ATP6V1H: variants seen among roughly 807,000 people sequenced by gnomAD.
The protein encoded by ATP6V1H is V-type proton ATPase subunit H.
Under a neutral mutation model 71.7 loss-of-function variants are expected in ATP6V1H, and 39 were observed. The observed-to-expected ratio is 0.54, with a 90% confidence interval of 0.42 to 0.71. The LOEUF (loss-of-function observed/expected upper bound fraction) is 0.71. ATP6V1H is among the 30% of genes least tolerant of loss of function. The pLI, the probability that ATP6V1H is intolerant of heterozygous loss-of-function variation, is 0.00. For synonymous variants in ATP6V1H, 192 were observed against 199.3 expected, an observed-to-expected ratio of 0.96 and a Z score of 0.31; for missense variants, 509 against 594.9, an observed-to-expected ratio of 0.86 and a Z score of 1.50.
chr8:53,771,634 T>C (rs1808660023), intron 10 of ATP6V1H, among the ~76,000 whole-genome samples: 1 of 152,132 alleles, frequency 6.6e-6, no homozygotes, highest in Non-Finnish European at 1.5e-5. Flanking sequence ...AACAAATACT[T>C]TCTCCATATA....
intron 8 of ATP6V1H, among the ~76,000 whole-genome samples, chr8:53,797,508 A>G (rs960816074): frequency 6.6e-6 from 1 of 152,184 alleles, no homozygotes; most frequent in African/African-American, 2.4e-5. Context: ...AGAGACACCA[A>G]TATCAGCTGG....
rs151212229 is a variant in ATP6V1H at position 53,829,507 on chromosome 8, C to T, written c.243G>A (p.Met81Ile). 2 of 1,590,258 alleles carry T rather than the reference C, an allele frequency of 1.3e-6. No homozygotes were observed. Among genetic ancestry groups the T allele is most frequent in the Admixed American group, 1.8e-5 (1 of 55,632 alleles). The change falls in exon 4 of 14, where the codon ATG becomes ATA. Residue 81 changes from methionine to isoleucine, a missense_variant. By Grantham distance (10) the Met-to-Ile change is conservative (BLOSUM62 1). This residue lies in a region of ATP6V1H where 297 missense variants were observed against 303.3 expected (regional missense o/e 0.98). Coordinates refer to ENST00000359530, the MANE Select transcript of ATP6V1H (RefSeq NM_015941.4). ...CGGTCTGTTCTTTGCAGATATGAGT[C>T]ATCAGATTTATAAATGTTTTAGCAC... ...SQCAKTFINLMTHICKEQTVQ... is the reference protein window; with the variant it reads ...SQCAKTFINLITHICKEQTVQ...
intron 8 of ATP6V1H, among the ~76,000 whole-genome samples, chr8:53,801,172 C>T (rs567710182): frequency 6.6e-6 from 1 of 152,294 alleles, no homozygotes; most frequent in African/African-American, 2.4e-5. Context: ...TGCTTTAAAT[C>T]CTCACCCACC....
chr8:53,838,532 A>G (rs1811240370), intron 2 of ATP6V1H, among the ~76,000 whole-genome samples: 1 of 152,056 alleles, frequency 6.6e-6, no homozygotes, highest in African/African-American at 2.4e-5. Context: ...TACACTTTAT[A>G]TATTTATATA....
In ATP6V1H at chr8:53,747,689, G is replaced by A. The variant is rs946650279; in HGVS notation, c.1278-3999C>T. On this transcript the variant is annotated intron_variant, in intron 12 of 13. Coordinates refer to ENST00000359530, the MANE Select transcript of ATP6V1H (RefSeq NM_015941.4). ...CGAGTAGCTGGGATTACAGGTGCAT[G>A]CCACCATGCCCGGCTAATTTTTTGT... Among the ~76,000 whole-genome samples the A allele has an allele frequency of 3.3e-5, 5 of 151,890 alleles. No homozygotes were observed. The South Asian group carries it at 1.0e-3, about 32-fold the overall frequency.
At chr8:53,773,530 A>C (rs1808750975) in intron 9 of ATP6V1H, among the ~76,000 whole-genome samples, 1 of 152,208 alleles carries the variant, frequency 6.6e-6, no homozygotes, top group Non-Finnish European at 1.5e-5. Context: ...CTGTCACTGC[A>C]ATTTTTATCC....
chr8:53,719,894 T>G (rs1261036078), intron 13 of ATP6V1H, among the ~76,000 whole-genome samples: 1 of 152,156 alleles, frequency 6.6e-6, no homozygotes, highest in Non-Finnish European at 1.5e-5. Context: ...GACACTTCCT[T>G]TTTCATAAAT....
chr8:53,808,005 A>T (rs528559724), intron 7 of ATP6V1H, among the ~76,000 whole-genome samples: 168 of 152,328 alleles, frequency 1.1e-3, no homozygotes, highest in African/African-American at 3.7e-3. Flanking sequence ...TCAAGAGGCA[A>T]GATGAAACAA....
At chr8:53,732,287 C>T (rs184049543) in intron 13 of ATP6V1H, among the ~76,000 whole-genome samples, 2 of 151,974 alleles carry the variant, frequency 1.3e-5, no homozygotes, top group Admixed American at 1.3e-4. Flanking sequence ...GAAAGTAAGC[C>T]CACCCTGCTA....
intron 8 of ATP6V1H, among the ~76,000 whole-genome samples, chr8:53,800,255 T>C (rs1465286779): frequency 6.6e-6 from 1 of 152,216 alleles, no homozygotes; most frequent in Non-Finnish European, 1.5e-5. Flanking sequence ...CAGCTGTGCG[T>C]CCTCACTGTA....
chr8:53,792,525 CCT>C (rs1200468185), intron 9 of ATP6V1H, among the ~76,000 whole-genome samples: 1 of 152,156 alleles, frequency 6.6e-6, no homozygotes, highest in Non-Finnish European at 1.5e-5. Context: ...GAAATCTTCC[CCT>C]GATATTAGCT....
At chr8:53,808,641 G>A (rs1008925831) in intron 7 of ATP6V1H, among the ~76,000 whole-genome samples, 75 of 152,066 alleles carry the variant, frequency 4.9e-4, no homozygotes, top group African/African-American at 1.5e-3. Context: ...ATGGTGGCTC[G>A]TGCTTGTAGT....
chr8:53,750,051 T>G (rs1807739450), intron 12 of ATP6V1H, among the ~76,000 whole-genome samples: 1 of 152,238 alleles, frequency 6.6e-6, no homozygotes, highest in South Asian at 2.1e-4. Flanking sequence ...TTGTGTTTGA[T>G]TCTCAGAATC....
rs575773157 is a variant in ATP6V1H at position 53,778,613 on chromosome 8, TTAAAGGA to T, written c.871-6453_871-6447del. On this transcript the variant is annotated intron_variant, in intron 9 of 13. Coordinates refer to ENST00000359530, the MANE Select transcript of ATP6V1H (RefSeq NM_015941.4). ...ATTATGTTAAGTAAAATGAAATTTTTTAAAGGATGCACTTAACCCAAGAGAAAGCAAA... is the reference window on the plus strand; with the variant it reads ...ATTATGTTAAGTAAAATGAAATTTTTTGCACTTAACCCAAGAGAAAGCAAA... 2.2e-3 allele frequency among the ~76,000 whole-genome samples: 338 copies of T among 152,196 alleles called. 2 individuals carry two copies. The highest frequency in any genetic ancestry group is 7.9e-3 in the African/African-American group (327 of 41,514).
intron 10 of ATP6V1H, among the ~76,000 whole-genome samples, chr8:53,770,414 G>A (rs1375865770): frequency 2.6e-5 from 4 of 152,084 alleles, no homozygotes; most frequent in Non-Finnish European, 5.9e-5. Context: ...TTAGCCAGTA[G>A]ACAAACACAG....
intron 11 of ATP6V1H, among the ~76,000 whole-genome samples, chr8:53,761,070 C>T (rs1473762879): frequency 6.6e-6 from 1 of 151,108 alleles, no homozygotes; most frequent in African/African-American, 2.5e-5. Flanking sequence ...GGCGCGGTGG[C>T]TCACGCCTGT....
chr8:53,747,907 T>G (rs549365959), intron 12 of ATP6V1H, among the ~76,000 whole-genome samples: 18 of 152,078 alleles, frequency 1.2e-4, no homozygotes, highest in Admixed American at 5.9e-4. Flanking sequence ...AGCTCACGCC[T>G]GTAATCCTAG....
At chr8:53,735,979 G>C (rs1807188645) in intron 13 of ATP6V1H, among the ~76,000 whole-genome samples, 1 of 152,136 alleles carries the variant, frequency 6.6e-6, no homozygotes, top group African/African-American at 2.4e-5. Flanking sequence ...GCGCTGCTGA[G>C]GAAACAACAA....
At chr8:53,721,089 T>C (rs766189846) in intron 13 of ATP6V1H, among the ~76,000 whole-genome samples, 8 of 152,196 alleles carry the variant, frequency 5.3e-5, no homozygotes, top group Admixed American at 1.3e-4. Flanking sequence ...TCTTAGAAAA[T>C]ATAAACTTTA....
Sources: allele counts gnomAD v4.1 joint callset (sites outside exome capture counted in the v4.1 genomes callset), GRCh38; gene constraint gnomAD v4.1.1; regional missense constraint gnomAD v4.1.1; transcripts MANE v1.5; gene names NCBI Gene and HGNC (gene_info 2026-07-23, HGNC 2026-07-21).